Variants in CCNL2 observed in about 807,000 individuals in gnomAD.
CCNL2 encodes cyclin-L2.
CCNL2 carries 28 observed loss-of-function variants against 59.1 expected under a neutral mutation model. That is an observed-to-expected ratio of 0.47 (90% CI 0.35 to 0.65). The LOEUF (loss-of-function observed/expected upper bound fraction) is 0.65. Among genes scored for constraint, CCNL2 ranks in the 30% least tolerant of loss-of-function variants. The pLI, the probability that CCNL2 is intolerant of heterozygous loss-of-function variation, is 0.00. For missense variants in CCNL2, 714 were observed against 717.4 expected (o/e 1.00, Z 0.05); for synonymous variants, 342 against 288.6 (o/e 1.19, Z -1.88).
chr1:1,394,065 G>A (rs776879919), intron 4 of CCNL2, among the ~76,000 whole-genome samples: 2 of 151,594 alleles, frequency 1.3e-5, no homozygotes, highest in Admixed American at 6.6e-5. Context: ...GGCGGAGGCT[G>A]CATGAGCTGA....
intron 3 of CCNL2, among the ~76,000 whole-genome samples, chr1:1,396,925 A>AT (rs1199339866): frequency 3.3e-5 from 5 of 151,572 alleles, no homozygotes; most frequent in Non-Finnish European, 7.4e-5. Context: ...ACTTTTTTGT[A>AT]TTTTTAGTAG....
Position 1,395,457 on chromosome 1 carries a change from T to G in CCNL2, c.531A>C (p.Ile177=), listed in dbSNP as rs370460090. The change falls in exon 4 of 11, where the codon ATA becomes ATC. Residue 177 remains isoleucine, a synonymous_variant. Coordinates refer to ENST00000400809, the MANE Select transcript of CCNL2 (RefSeq NM_030937.6). ...QDYVNLKNQI[I]KAERRVLKEL... ...CTTTGAGAACTCGTCTTTCCGCCTT[T>G]ATAATTTGGTTCTTTAAATTAACAT... 2 of 1,614,038 alleles carry G rather than the reference T, an allele frequency of 1.2e-6. No homozygotes were observed. Among genetic ancestry groups the G allele is most frequent in the African/African-American group, 2.7e-5 (2 of 74,928 alleles).
intron 3 of CCNL2, among the ~76,000 whole-genome samples, chr1:1,396,095 C>G (rs1248266004): frequency 6.7e-6 from 1 of 148,816 alleles, no homozygotes; most frequent in Non-Finnish European, 1.5e-5. Flanking sequence ...AGGAGATTCA[C>G]TTGAACCCAG....
chr1:1,398,933 G>A, intron 1 of CCNL2, 86 bp downstream of exon 1: 5 of 1,462,812 alleles, frequency 3.4e-6, no homozygotes, highest in East Asian at 2.6e-5. Flanking sequence ...TCTAGGCGGG[G>A]GCGGTGCGGG....
rs770024228 is a variant in CCNL2, at chr1:1,390,825, G to A, written c.700C>T (p.Arg234Trp). 1.9e-6 allele frequency: 3 copies of A among 1,614,122 alleles called. No individual in the cohort carries two copies. The highest frequency in any genetic ancestry group is 1.1e-5 in the South Asian group (1 of 91,082). Residue 234 changes from arginine to tryptophan, a missense_variant, in exon 6 of 11, where the codon CGG becomes TGG. By Grantham distance (101) the Arg-to-Trp change is moderately radical. This residue lies in a region of CCNL2 where 19 missense variants were observed against 40.8 expected (regional missense o/e 0.47). Transcript: ENST00000400809. ...CAGGCGATGCTCTCTGGCTGGAACCGCACGAAGACGTCGGTGCGAAGGCTG... is the reference window on the plus strand; with the variant it reads ...CAGGCGATGCTCTCTGGCTGGAACCACACGAAGACGTCGGTGCGAAGGCTG... ...NDSLRTDVFV[R>W]FQPESIACAC...
At chr1:1,397,945 G>T (rs1317259932) in intron 3 of CCNL2, among the ~76,000 whole-genome samples, 1 of 152,150 alleles carries the variant, frequency 6.6e-6, no homozygotes, top group East Asian at 1.9e-4. Flanking sequence ...GAAACTTGTG[G>T]GACAGAAGCA....
chr1:1,387,138 CG>C lies in CCNL2; in HGVS notation c.*92del, dbSNP rs999345551. 1.3e-5 allele frequency: 13 copies of C among 982,416 alleles called. No individual in the cohort carries two copies. In the African/African-American group the frequency reaches 1.8e-4, roughly 13 times the overall value. The allele number at this position is 982,416 out of a possible 1,614,324, so 60.9% of individuals were successfully genotyped here. The stretch of plus-strand genomic sequence containing the variant: ...GGACCACTTGCGCTGAGAGCACACC[CG>C]GGGGTCAAAGGGCAGCCACCGGGGG... On this transcript the variant is annotated 3_prime_UTR_variant, in exon 11 of 11. Transcript: ENST00000400809.
In CCNL2 at chr1:1,398,238, G is replaced by A; in HGVS notation, c.468C>T (p.Asp156=). 2 of 1,613,654 alleles carry A rather than the reference G, an allele frequency of 1.2e-6. No individual in the cohort carries two copies. Among genetic ancestry groups the A allele is most frequent in the Non-Finnish European group, 1.7e-6 (2 of 1,179,840 alleles). ...GACAGCTCTGACTGACTCACTTTTT[G>A]TCTCTCAGCTGTCGAAGGCGGTGAA... ...NVFHRLRQLR[D]KKKPVPLLLD... is the part of the protein sequence containing the mutation. Residue 156 remains aspartate, a synonymous_variant, in exon 3 of 11, where the codon GAC becomes GAT. Coordinates refer to ENST00000400809, the MANE Select transcript of CCNL2 (RefSeq NM_030937.6).
rs147139736 is a variant in CCNL2 at position 1,387,159 on chromosome 1, C to T, written c.*72G>A. 15,032 of 1,300,222 alleles carry T rather than the reference C, an allele frequency of 0.012. 132 individuals carry two copies. The highest frequency in any genetic ancestry group is 0.014 in the Non-Finnish European group (12,822 of 932,756). 80.5% of individuals were successfully genotyped at this position (1,300,222 alleles called of 1,614,324 possible). On this transcript the variant is annotated 3_prime_UTR_variant, in exon 11 of 11. Coordinates refer to ENST00000400809, the MANE Select transcript of CCNL2 (RefSeq NM_030937.6). ...CACCCGGGGGTCAAAGGGCAGCCAC[C>T]GGGGGTCAAAGGGCAGCCATCAGGT...
chr1:1,394,387 A>G (rs1162532542), intron 4 of CCNL2, among the ~76,000 whole-genome samples: 3 of 152,188 alleles, frequency 2.0e-5, no homozygotes, highest in African/African-American at 7.2e-5. Context: ...ATTTCAGACT[A>G]AAGGGGCCAG....
chr1:1,393,068 C>G, intron 5 of CCNL2: 1 of 593,154 alleles, frequency 1.7e-6, no homozygotes, highest in Non-Finnish European at 3.0e-6. Context: ...CAGACCAAGT[C>G]TGCACTAGCC....
intron 5 of CCNL2, chr1:1,392,684 G>C: frequency 6.4e-7 from 1 of 1,559,924 alleles, no homozygotes; most frequent in East Asian, 2.3e-5. Context: ...CGTACCACCA[G>C]TCTAGAGCCA....
chr1:1,395,344 G>A, intron 4 of CCNL2, 50 bp downstream of exon 4: 3 of 1,604,156 alleles, frequency 1.9e-6, no homozygotes, highest in Non-Finnish European at 2.6e-6. Flanking sequence ...AGGCGGCCAG[G>A]CAGGAGCAGC....
chr1:1,388,633 TG>T, intron 8 of CCNL2: 1 of 413,106 alleles, frequency 2.4e-6, no homozygotes, highest in Admixed American at 2.9e-5. Context: ...TACCTGAGCG[TG>T]GTGGTGGGCG....
In CCNL2 at chr1:1,387,321, T is replaced by G; in HGVS notation, c.1473A>C (p.Arg491Ser). Residue 491 changes from arginine (R) to serine (S), a missense_variant, in exon 11 of 11, where the codon AGA (arginine) becomes AGC (serine). Physicochemically the swap from Arg to Ser is moderately radical, Grantham distance 110. Transcript: ENST00000400809. ...ACCTCGAGCGCTCTCGTCGCTGATC[T>G]CTGTAGTAATGACTTTTCTTCTTGT... The part of the protein sequence containing the change: ...GKYKKKSHYY[R>S]DQRRERSRSY... 6.2e-7 allele frequency: 1 copy of G among 1,614,052 alleles called. No individual in the cohort carries two copies. The highest frequency in any genetic ancestry group is 8.5e-7 in the Non-Finnish European group (1 of 1,180,038).
At chr1:1,398,987 C>T in intron 1 of CCNL2, 32 bp downstream of exon 1, 3 of 1,567,726 alleles carry the variant, frequency 1.9e-6, no homozygotes, top group Non-Finnish European at 2.6e-6. Context: ...CCAGCGGTTA[C>T]CTGGGCCGGA....
Position 1,398,297 on chromosome 1 carries a change from C to T in CCNL2, c.409G>A (p.Ala137Thr), listed in dbSNP as rs1417014672. 2 of 1,614,180 alleles carry T rather than the reference C, an allele frequency of 1.2e-6. No homozygotes were observed. Among genetic ancestry groups the T allele is most frequent in the South Asian group, 1.1e-5 (1 of 91,084 alleles). The change falls in exon 3 of 11, where the codon GCC becomes ACC. Residue 137 changes from alanine to threonine, a missense_variant. Transcript: ENST00000400809. ...CVHLASKIEE[A>T]PRRIRDVINV... ...ATGACGTCCCGTATGCGTCTTGGGG[C>T]CTCTTCTATCTTGGAAGCCAGGTGG... is the stretch of plus-strand genomic sequence containing the variant.
In CCNL2 at chr1:1,398,447, AG is replaced by A. The variant is rs528710466; in HGVS notation, c.364-106del. On this transcript the variant is annotated intron_variant, in intron 2 of 10. Coordinates refer to ENST00000400809, the MANE Select transcript of CCNL2 (RefSeq NM_030937.6). ...TTCAGACCAAAAGGGAGGTGCACCC[AG>A]GGGAAAAAAAAAGTCAAGAAACAGA... 1.4e-4 allele frequency: 215 copies of A among 1,575,726 alleles called. 1 individual carries two copies. In the African/African-American group the frequency reaches 2.6e-3, roughly 19 times the overall value.
Position 1,385,919 on chromosome 1 carries a change from A to AGG in CCNL2, c.*1310_*1311dup, listed in dbSNP as rs34180804. On this transcript the variant is annotated 3_prime_UTR_variant, in exon 11 of 11. Transcript: ENST00000400809. Reference sequence around the variant, plus strand: ...GAGTCTCCTCAGTTCCCCAATTCTGAGGGGGGGTCCCACCAGCTATCTAAT... The same window carrying AGG: ...GAGTCTCCTCAGTTCCCCAATTCTGAGGGGGGGGGTCCCACCAGCTATCTAAT... 32 of 151,708 alleles carry AGG rather than the reference A, an allele frequency of 2.1e-4. No individual in the cohort carries two copies. Among genetic ancestry groups the AGG allele is most frequent in the East Asian group, 1.4e-3 (7 of 5,126 alleles). The allele number at this position is 151,708 out of a possible 1,614,324, so 9.4% of individuals were successfully genotyped here. A position where few individuals can be genotyped will look rare whatever the true frequency, so the allele number is the denominator to read the frequency against.
Sources: gnomAD v4.1 joint callset for allele counts (sites outside exome capture counted in the v4.1 genomes callset) on GRCh38, gnomAD v4.1.1 for gene constraint, gnomAD v4.1.1 regional missense constraint, MANE v1.5 for transcripts, NCBI Gene and HGNC (gene_info 2026-07-23, HGNC 2026-07-21) for gene names.